The following POSTN variants were observed in gnomAD, a reference collection of about 807,000 sequenced individuals.
POSTN encodes the protein osteoblast specific factor 2 (fasciclin I-like).
POSTN carries 71 observed loss-of-function variants against 104.5 expected under a neutral mutation model. That is an observed-to-expected ratio of 0.68 (90% confidence interval 0.56 to 0.83). The LOEUF (loss-of-function observed/expected upper bound fraction) is 0.83. POSTN is among the 40% of genes least tolerant of loss of function. The pLI is 0.00. For synonymous variants in POSTN, 355 were observed against 340.7 expected (o/e 1.04, Z -0.46); for missense variants, 949 against 1,006.8 (o/e 0.94, Z 0.78).
At chr13:37,566,205 G>A (rs1355019936) in intron 21 of POSTN, among the ~76,000 whole-genome samples, 4 of 152,156 alleles carry the variant, frequency 2.6e-5, no homozygotes, top group Admixed American at 6.5e-5. Flanking sequence ...AGTTATATTA[G>A]ATCATGTTTA....
chr13:37,582,330 T>C (rs1270855146), intron 10 of POSTN, 36 bp downstream of exon 10: 1 of 1,575,988 alleles, frequency 6.3e-7, no homozygotes, highest in African/African-American at 1.4e-5. Context: ...TGACATGTCA[T>C]TTGACAGACT....
chr13:37,586,935 T>G lies in POSTN; in HGVS notation c.607-7A>C, dbSNP rs1343390790. The G allele has an allele frequency of 6.2e-7, 1 of 1,611,958 alleles. No homozygotes were observed. The highest frequency in any genetic ancestry group is 8.5e-7 in the Non-Finnish European group (1 of 1,179,140). On this transcript the variant is annotated splice_region_variant and splice_polypyrimidine_tract_variant and intron_variant, in intron 5 of 22. Coordinates refer to ENST00000379747, the MANE Select transcript of POSTN (RefSeq NM_006475.3). Reference sequence around the variant, plus strand: ...CACAATTAACAGTGACAACCTATAATTATTTGGAAAAATCAAAGTGCTGAA... The same window carrying G: ...CACAATTAACAGTGACAACCTATAAGTATTTGGAAAAATCAAAGTGCTGAA...
intron 11 of POSTN, among the ~76,000 whole-genome samples, 180 bp from the exon 12 acceptor site, chr13:37,580,171 A>C (rs1192783008): frequency 6.6e-6 from 1 of 152,216 alleles, no homozygotes; most frequent in Non-Finnish European, 1.5e-5. Context: ...AATGACTGAA[A>C]TATACAATAC....
At chr13:37,582,672 T>G (rs973038355) in intron 9 of POSTN, among the ~76,000 whole-genome samples, 158 bp from the exon 10 acceptor site, 1 of 152,164 alleles carries the variant, frequency 6.6e-6, no homozygotes, top group Non-Finnish European at 1.5e-5. Context: ...TGCTAAAAAC[T>G]AACAATTCAA....
chr13:37,591,454 TATC>T (rs1950932363), intron 3 of POSTN, among the ~76,000 whole-genome samples: 1 of 152,186 alleles, frequency 6.6e-6, no homozygotes, highest in Non-Finnish European at 1.5e-5. Flanking sequence ...GGACTTTAAA[TATC>T]AGTCTAGGTT....
intron 12 of POSTN, among the ~76,000 whole-genome samples, 196 bp downstream of exon 12, chr13:37,579,665 A>G (rs1011959592): frequency 5.9e-5 from 9 of 152,210 alleles, no homozygotes; most frequent in Non-Finnish European, 2.9e-5. Flanking sequence ...GCCCAACAAC[A>G]TAACAGTTCA....
At chr13:37,576,611 T>A (rs1950416573) in intron 16 of POSTN, among the ~76,000 whole-genome samples, 2 of 150,696 alleles carry the variant, frequency 1.3e-5, no homozygotes, top group Non-Finnish European at 3.0e-5. Flanking sequence ...TATATATATA[T>A]GCATATGTAT....
At chr13:37,585,485 G>A (rs1306272787) in intron 7 of POSTN, among the ~76,000 whole-genome samples, 2 of 152,178 alleles carry the variant, frequency 1.3e-5, no homozygotes, top group Admixed American at 6.5e-5. Flanking sequence ...TAATGAGGTC[G>A]ATAGAGGCTG....
At chr13:37,567,613 G>GT (rs58004483) in intron 21 of POSTN, among the ~76,000 whole-genome samples, 1 of 151,420 alleles carries the variant, frequency 6.6e-6, no homozygotes, top group African/African-American at 2.4e-5. Flanking sequence ...AATTTTTTTT[G>GT]TTTTTTCACA....
In POSTN at chr13:37,577,813, T is replaced by C; in HGVS notation, c.1963-15A>G. 1 of 1,613,398 alleles carries C rather than the reference T, an allele frequency of 6.2e-7. No homozygotes were observed. The highest frequency in any genetic ancestry group is 8.5e-7 in the Non-Finnish European group (1 of 1,179,578). On this transcript the variant is annotated splice_polypyrimidine_tract_variant and intron_variant, in intron 15 of 22. Transcript: ENST00000379747. ...CCACGAACAAACTGAAAATAAATGT[T>C]TATATTTAGTAACATGAAAGGTGAT...
chr13:37,577,636 C>T, intron 16 of POSTN, 117 bp downstream of exon 16: 4 of 1,405,102 alleles, frequency 2.8e-6, no homozygotes, highest in South Asian at 1.8e-5. Context: ...TGAGATTGGC[C>T]ATAGTTTGGA....
intron 9 of POSTN, 128 bp from the exon 10 acceptor site, chr13:37,582,642 T>A (rs1032641615): frequency 1.8e-5 from 15 of 834,986 alleles, no homozygotes; most frequent in African/African-American, 1.6e-4. Flanking sequence ...TGCACTCATA[T>A]AATACATGAA....
Position 37,582,505 on chromosome 13 carries a change from A to C in POSTN, c.1253T>G (p.Leu418Arg). ...TTTAAGGAGGCGCTGATCCATGCTGAGAGTATCATCTGTAAATAAATTCAT... is the reference window on the plus strand; with the variant it reads ...TTTAAGGAGGCGCTGATCCATGCTGCGAGTATCATCTGTAAATAAATTCAT... ...PVNNAFSDDT[L>R]SMDQRLLKLI... The change falls in exon 10 of 23, where the codon CTC becomes CGC. Residue 418 changes from leucine (L) to arginine (R), a missense_variant. Physicochemically the swap from Leu to Arg is moderately radical, Grantham distance 102. Coordinates refer to ENST00000379747, the MANE Select transcript of POSTN (RefSeq NM_006475.3). 6.2e-7 allele frequency: 1 copy of C among 1,601,384 alleles called. No individual in the cohort carries two copies. Among genetic ancestry groups the C allele is most frequent in the Non-Finnish European group, 8.5e-7 (1 of 1,176,072 alleles).
intron 17 of POSTN, among the ~76,000 whole-genome samples, chr13:37,572,778 T>C (rs1008803623): frequency 2.0e-5 from 3 of 151,606 alleles, no homozygotes; most frequent in Non-Finnish European, 4.4e-5. Flanking sequence ...TGTCCTGGAG[T>C]TTAATTCATT....
rs1350597480 is a variant in POSTN, at chr13:37,579,098, A to G, written c.1815T>C (p.Asn605=). ...TGTCAGATTCTTTTGATTTCAATTC[A>G]TTCACCAGAAGTGTATCATTTACCT... is the stretch of plus-strand genomic sequence containing the variant. ...LKEVNDTLLV[N]ELKSKESDIM... Residue 605 remains asparagine, a synonymous_variant, in exon 14 of 23, where the codon AAT becomes AAC. Coordinates refer to ENST00000379747, the MANE Select transcript of POSTN (RefSeq NM_006475.3). 1 of 1,612,944 alleles carries G rather than the reference A, an allele frequency of 6.2e-7. No homozygotes were observed. Among genetic ancestry groups the G allele is most frequent in the Non-Finnish European group, 8.5e-7 (1 of 1,179,506 alleles).
chr13:37,572,763 A>T (rs1950295989), intron 17 of POSTN, among the ~76,000 whole-genome samples: 1 of 151,628 alleles, frequency 6.6e-6, no homozygotes, highest in Non-Finnish European at 1.5e-5. Context: ...GACACCTTAA[A>T]ATTGTGTCCT....
At chr13:37,580,758 T>G in intron 10 of POSTN, 61 bp from the exon 11 acceptor site, 4 of 1,601,644 alleles carry the variant, frequency 2.5e-6, no homozygotes, top group Non-Finnish European at 3.4e-6. Context: ...CCCGTATAGA[T>G]GTAACTACAT....
chr13:37,572,211 C>G (rs966580187), intron 17 of POSTN, among the ~76,000 whole-genome samples: 1 of 151,524 alleles, frequency 6.6e-6, no homozygotes, highest in East Asian at 1.9e-4. Flanking sequence ...AAAATAAGTT[C>G]AGTACATTTA....
rs774521088 is a variant in POSTN at position 37,579,073 on chromosome 13, T to C, written c.1840A>G (p.Ile614Val). ...TGAATTACACCATTTGTTGTCATGA[T>C]GTCAGATTCTTTTGATTTCAATTCA... is the stretch of plus-strand genomic sequence containing the variant. The part of the protein sequence containing the change: ...VNELKSKESD[I>V]MTTNGVIHVV... The change falls in exon 14 of 23, where the codon ATC (isoleucine) becomes GTC (valine). Residue 614 changes from isoleucine to valine, a missense_variant. Ile to Val is a conservative substitution (Grantham distance 29, BLOSUM62 3). Transcript: ENST00000379747. 6.2e-7 allele frequency: 1 copy of C among 1,613,462 alleles called. No homozygotes were observed. The highest frequency in any genetic ancestry group is 8.5e-7 in the Non-Finnish European group (1 of 1,179,682).
Sources: allele counts gnomAD v4.1 joint callset (sites outside exome capture counted in the v4.1 genomes callset), GRCh38; gene constraint gnomAD v4.1.1; transcripts MANE v1.5; gene names NCBI Gene and HGNC (gene_info 2026-07-23, HGNC 2026-07-21).